CFAP54: variants seen among roughly 807,000 people sequenced by gnomAD.
CFAP54 encodes the protein cilia and flagella associated protein 54, also known as cilia- and flagella-associated protein 54.
Under a neutral mutation model 370.4 loss-of-function variants are expected in CFAP54, and 290 were observed. The ratio of observed to expected loss-of-function variants is 0.78; its 90% CI spans 0.71 to 0.86. CFAP54 has a LOEUF of 0.86. Among genes scored for constraint, CFAP54 ranks in the 40% least tolerant of loss-of-function variants. The pLI is 0.00. For synonymous variants in CFAP54, 1,206 were observed against 1,236.5 expected (o/e 0.98, Z 0.52); for missense variants, 3,399 against 3,528.7 (o/e 0.96, Z 0.93).
intron 9 of CFAP54, among the ~76,000 whole-genome samples, chr12:96,531,450 A>C (rs552271559): frequency 2.0e-5 from 3 of 151,240 alleles, no homozygotes; most frequent in Admixed American, 6.6e-5. Context: ...TCATTTTTTC[A>C]TGTTACTTTT....
chr12:96,616,138 A>T (rs1956414552), intron 26 of CFAP54, among the ~76,000 whole-genome samples: 1 of 152,234 alleles, frequency 6.6e-6, no homozygotes, highest in Non-Finnish European at 1.5e-5. Context: ...GATAGATTGG[A>T]TTAAGAAAAT....
At position 96,827,031 on chromosome 12, in the gene CFAP54, T is replaced by A. The variant is rs527963035; in HGVS notation, c.9097-1983T>A. 1.4e-3 allele frequency among the ~76,000 whole-genome samples: 190 copies of A among 131,812 alleles called. 7 individuals are homozygous for A. The highest frequency in any genetic ancestry group is 5.4e-3 in the African/African-American group (177 of 33,022). 86.5% of individuals were successfully genotyped at this position (131,812 alleles called of 152,430 possible). On this transcript the variant is annotated intron_variant, in intron 65 of 67. Transcript: ENST00000524981. ...ATTATAATATGCAATTATATGTGAT[T>A]ATATATAATATGCAATTATATGTGA... is the stretch of plus-strand genomic sequence containing the variant.
chr12:96,827,707 T>A (rs867329018), intron 65 of CFAP54, among the ~76,000 whole-genome samples: 21 of 90,254 alleles, frequency 2.3e-4, no homozygotes, highest in African/African-American at 3.5e-4. Context: ...TATTATATTA[T>A]ATATAATTAT....
intron 62 of CFAP54, among the ~76,000 whole-genome samples, chr12:96,787,236 G>C (rs1396110589): frequency 6.6e-6 from 1 of 152,200 alleles, no homozygotes; most frequent in Non-Finnish European, 1.5e-5. Context: ...AAACTAGACT[G>C]ATAGTGTCTA....
At chr12:96,499,023 G>A (rs1357355835) in intron 1 of CFAP54, among the ~76,000 whole-genome samples, 1 of 151,864 alleles carries the variant, frequency 6.6e-6, no homozygotes. Context: ...CTTTTGCCCA[G>A]GCTGGAGTGC....
intron 60 of CFAP54, among the ~76,000 whole-genome samples, chr12:96,775,573 G>A (rs549049567): frequency 1.6e-4 from 24 of 152,190 alleles, no homozygotes; most frequent in East Asian, 1.3e-3. Flanking sequence ...ACATAAACAC[G>A]TGTGGCCAGA....
rs139895037 is a variant in CFAP54, at chr12:96,566,302, G to A, written c.2619+1537G>A. ...GGAAAGTAAAGATAATGTGGAGAGTGGGGAGGAATGGATGAGGGAGTTGAC... is the reference window on the plus strand; with the variant it reads ...GGAAAGTAAAGATAATGTGGAGAGTAGGGAGGAATGGATGAGGGAGTTGAC... On this transcript the variant is annotated intron_variant, in intron 19 of 67. Coordinates refer to ENST00000524981, the MANE Select transcript of CFAP54 (RefSeq NM_001306084.2). Among the ~76,000 whole-genome samples the A allele has an allele frequency of 3.3e-5, 5 of 152,256 alleles. No homozygotes were observed. The East Asian group carries it at 7.7e-4, about 24-fold the overall frequency.
At chr12:96,511,711 T>C (rs1373568124) in intron 4 of CFAP54, among the ~76,000 whole-genome samples, 2 of 152,240 alleles carry the variant, frequency 1.3e-5, no homozygotes, top group Non-Finnish European at 2.9e-5. Context: ...CTCGAATTCC[T>C]GACCTCAGGT....
chr12:96,536,777 C>T (rs1163835523), intron 12 of CFAP54, among the ~76,000 whole-genome samples: 1 of 151,954 alleles, frequency 6.6e-6, no homozygotes, highest in African/African-American at 2.4e-5. Flanking sequence ...CAGGCATGTG[C>T]CACCATGTTT....
At position 96,593,559 on chromosome 12, in the gene CFAP54, A is replaced by G. The variant is rs568942121; in HGVS notation, c.3361-732A>G. The stretch of plus-strand genomic sequence containing the variant: ...TCAGTTTCTTCTTTCAGCGTATTCA[A>G]TCTGAAAACAAAGACAATTTTCAAG... On this transcript the variant is annotated intron_variant, in intron 24 of 67. Coordinates refer to ENST00000524981, the MANE Select transcript of CFAP54 (RefSeq NM_001306084.2). Among the ~76,000 whole-genome samples, 6 of 152,258 alleles carry G rather than the reference A, an allele frequency of 3.9e-5. 1 individual carries two copies. The highest frequency in any genetic ancestry group is 1.4e-4 in the African/African-American group (6 of 41,560).
At chr12:96,790,314 CTGT>C (rs1402919457) in intron 62 of CFAP54, among the ~76,000 whole-genome samples, 2 of 150,622 alleles carry the variant, frequency 1.3e-5, no homozygotes, top group African/African-American at 2.4e-5. Context: ...CCTGGTAGGC[CTGT>C]TGTTTTATTT....
chr12:96,533,721 G>A (rs996018152), intron 9 of CFAP54, 71 bp from the exon 10 acceptor site: 27 of 1,170,402 alleles, frequency 2.3e-5, no homozygotes, highest in African/African-American at 1.1e-4. Flanking sequence ...GCCTGAAAGT[G>A]TCTATAGTGA....
chr12:96,633,502 A>G (rs1956630864), intron 32 of CFAP54, among the ~76,000 whole-genome samples: 3 of 152,172 alleles, frequency 2.0e-5, no homozygotes, highest in Admixed American at 6.5e-5. Flanking sequence ...TGTATATTCT[A>G]TGCAATCTGT....
chr12:96,541,561 C>G (rs1050639343), intron 14 of CFAP54, among the ~76,000 whole-genome samples: 1 of 152,130 alleles, frequency 6.6e-6, no homozygotes, highest in Admixed American at 6.6e-5. Context: ...GCTGGGATTA[C>G]AGATGTGAGC....
At chr12:96,651,888 G>T in intron 36 of CFAP54, 73 bp downstream of exon 36, 1 of 887,288 alleles carries the variant, frequency 1.1e-6, no homozygotes, top group Non-Finnish European at 1.6e-6. Flanking sequence ...GGTATAAGTA[G>T]AAACTGTTTT....
chr12:96,535,603 GA>G lies in CFAP54; in HGVS notation c.1791+6del, dbSNP rs1282968362. The G allele has an allele frequency of 5.9e-6, 9 of 1,525,440 alleles. No individual in the cohort carries two copies. Among genetic ancestry groups the G allele is most frequent in the Non-Finnish European group, 7.9e-6 (9 of 1,139,048 alleles). 94.5% of individuals were successfully genotyped at this position (1,525,440 alleles called of 1,614,324 possible). A position where few individuals can be genotyped will look rare whatever the true frequency, so the allele number is the denominator to read the frequency against. Reference sequence around the variant, plus strand: ...TCTGTGTCTGCACTGCTCCCCAGGTGAAATAGCTATTTTAAATAATTTTTAT... The same window carrying G: ...TCTGTGTCTGCACTGCTCCCCAGGTGAATAGCTATTTTAAATAATTTTTAT... On this transcript the variant is annotated splice_donor_region_variant and intron_variant, in intron 12 of 67. Transcript: ENST00000524981.
At chr12:96,617,835 A>G (rs1956438197) in intron 26 of CFAP54, among the ~76,000 whole-genome samples, 1 of 151,922 alleles carries the variant, frequency 6.6e-6, no homozygotes, top group East Asian at 1.9e-4. Context: ...CTAAAAATAC[A>G]AAAAATTAGC....
intron 67 of CFAP54, among the ~76,000 whole-genome samples, chr12:96,867,935 T>C (rs1312073481): frequency 6.6e-6 from 1 of 152,212 alleles, no homozygotes; most frequent in Non-Finnish European, 1.5e-5. Context: ...AGGAAATGCA[T>C]ATATTAATTG....
At chr12:96,582,611 G>A (rs893220171) in intron 22 of CFAP54, among the ~76,000 whole-genome samples, 35 of 152,150 alleles carry the variant, frequency 2.3e-4, no homozygotes, top group Non-Finnish European at 5.9e-5. Flanking sequence ...CAGTGATGGA[G>A]TTATTGTGAG....
Sources: gnomAD v4.1 joint callset for allele counts (sites outside exome capture counted in the v4.1 genomes callset) on GRCh38, gnomAD v4.1.1 for gene constraint, MANE v1.5 for transcripts, NCBI Gene and HGNC (gene_info 2026-07-23, HGNC 2026-07-21) for gene names.